Variants in DENND1A observed in about 807,000 individuals in gnomAD.
The protein encoded by DENND1A is DENN domain-containing protein 1A.
Under a neutral mutation model 113.7 loss-of-function variants are expected in DENND1A, and 51 were observed. That is an observed-to-expected ratio of 0.45 (90% CI 0.36 to 0.57). The LOEUF is 0.57. Ranked by LOEUF, DENND1A falls within the 20% of genes least tolerant of loss-of-function variation. DENND1A has a pLI of 0.00. For synonymous variants in DENND1A, 565 were observed against 570.8 expected (o/e 0.99, Z 0.14); for missense variants, 1,258 against 1,395.9 (o/e 0.90, Z 1.57).
chr9:123,457,911 A>G lies in DENND1A; in HGVS notation c.994-14T>C, dbSNP rs756809458. On this transcript the variant is annotated splice_polypyrimidine_tract_variant and intron_variant, in intron 13 of 23. Transcript: ENST00000394215. ...GATCGGCTCCTCCTGGGAAGTGCAG[A>G]GGGGAGAGGTGGGTCAGTGGCACGG... 1.9e-6 allele frequency: 3 copies of G among 1,599,882 alleles called. No homozygotes were observed. Among genetic ancestry groups the G allele is most frequent in the Non-Finnish European group, 2.6e-6 (3 of 1,172,244 alleles).
chr9:123,472,087 G>A (rs922616820), intron 13 of DENND1A, among the ~76,000 whole-genome samples: 1 of 152,156 alleles, frequency 6.6e-6, no homozygotes, highest in African/African-American at 2.4e-5. Flanking sequence ...CAAGCTGCCC[G>A]TACTTTGGAG....
At chr9:123,744,907 C>G (rs780790318) in intron 5 of DENND1A, among the ~76,000 whole-genome samples, 1 of 151,666 alleles carries the variant, frequency 6.6e-6, no homozygotes, top group Non-Finnish European at 1.5e-5. Context: ...TCCCGAGTAG[C>G]TGGGATTACA....
chr9:123,899,418 C>G (rs1385575240), intron 1 of DENND1A, among the ~76,000 whole-genome samples: 1 of 152,142 alleles, frequency 6.6e-6, no homozygotes, highest in African/African-American at 2.4e-5. Flanking sequence ...TCTAACTACA[C>G]TACCTTAAAT....
chr9:123,752,007 TAA>T (rs1174807142), intron 5 of DENND1A: 1 of 152,226 alleles, frequency 6.6e-6, no homozygotes, highest in African/African-American at 2.4e-5. Context: ...GAGCAGTTCC[TAA>T]AAGAGTGAGG....
chr9:123,579,710 T>A (rs2058796047), intron 12 of DENND1A, among the ~76,000 whole-genome samples: 1 of 152,158 alleles, frequency 6.6e-6, no homozygotes, highest in African/African-American at 2.4e-5. Flanking sequence ...CAACGATGGA[T>A]AGGCTGATAC....
rs145736186 is a variant in DENND1A, at chr9:123,400,261, A to G, written c.1631+3141T>C. On this transcript the variant is annotated intron_variant, in intron 21 of 23. Coordinates refer to ENST00000394215, the MANE Select transcript of DENND1A (RefSeq NM_001352964.2). ...CATTGATTCAGAAAGAAAATTTGAC[A>G]CAGGAAAATTTCATTTTGGGAAAAT... The G allele has an allele frequency of 2.6e-5, 4 of 152,392 alleles. No individual in the cohort carries two copies. In the East Asian group the frequency reaches 7.7e-4, roughly 29 times the overall value. The allele number at this position is 152,392 out of a possible 1,614,324, so 9.4% of individuals were successfully genotyped here. A position where few individuals can be genotyped will look rare whatever the true frequency, so the allele number is the denominator to read the frequency against.
chr9:123,921,086 A>G (rs949309876), intron 1 of DENND1A, among the ~76,000 whole-genome samples: 1 of 152,196 alleles, frequency 6.6e-6, no homozygotes, highest in African/African-American at 2.4e-5. Flanking sequence ...TTGGTTTTTA[A>G]AAACAAAACC....
rs907602490 is a variant in DENND1A at position 123,379,691 on chromosome 9, G to T, written c.*1741C>A. 2.0e-5 allele frequency: 3 copies of T among 152,282 alleles called. No homozygotes were observed. The highest frequency in any genetic ancestry group is 2.9e-5 in the Non-Finnish European group (2 of 68,064). 9.4% of individuals were successfully genotyped at this position (152,282 alleles called of 1,614,324 possible). A position where few individuals can be genotyped will look rare whatever the true frequency, so the allele number is the denominator to read the frequency against. ...GATGATTTTATTGAATGCACACAAA[G>T]TTCATCCTTGGGTTTGCAAAAAGTC... is the stretch of plus-strand genomic sequence containing the variant. On this transcript the variant is annotated 3_prime_UTR_variant, in exon 24 of 24. Transcript: ENST00000394215.
chr9:123,391,655 G>A (rs2491352), intron 21 of DENND1A, among the ~76,000 whole-genome samples: 80,355 of 150,796 alleles, frequency 0.53, 22,471 homozygotes, highest in Non-Finnish European at 0.65. Flanking sequence ...AAATTCAGCT[G>A]CCCATGTTCT....
chr9:123,382,033 G>C lies in DENND1A; in HGVS notation c.2612C>G (p.Pro871Arg). 6.7e-7 allele frequency: 1 copy of C among 1,490,728 alleles called. No individual in the cohort carries two copies. The highest frequency in any genetic ancestry group is 1.4e-5 in the South Asian group (1 of 71,138). 92.3% of individuals were successfully genotyped at this position (1,490,728 alleles called of 1,614,324 possible). Residue 871 changes from proline (P) to arginine (R), a missense_variant, in exon 24 of 24, where the codon CCA becomes CGA. Coordinates refer to ENST00000394215, the MANE Select transcript of DENND1A (RefSeq NM_001352964.2). ...GGGGAAGCTGAATTGGGGGGTGAAT[G>C]GGGTGGCTACATTCGGGGTGGCGGG... ...SRPATPNVATPFTPQFSFPPA... is the reference protein window; with the variant it reads ...SRPATPNVATRFTPQFSFPPA...
rs112601459 is a variant in DENND1A at position 123,577,029 on chromosome 9, GA to G, written c.867+6139del. The stretch of plus-strand genomic sequence containing the variant: ...CTCTGAGTATAATTTCATCAAAATT[GA>G]AAAAAAAATCAGCTATAATCTGTTA... On this transcript the variant is annotated intron_variant, in intron 12 of 23. Transcript: ENST00000394215. 3.2e-4 allele frequency among the ~76,000 whole-genome samples: 48 copies of G among 150,004 alleles called. 1 individual carries two copies. Among genetic ancestry groups the G allele is most frequent in the African/African-American group, 8.3e-4 (34 of 40,950 alleles).
At chr9:123,784,955 A>T (rs1440457670) in intron 3 of DENND1A, among the ~76,000 whole-genome samples, 1 of 152,160 alleles carries the variant, frequency 6.6e-6, no homozygotes, top group Non-Finnish European at 1.5e-5. Context: ...TACTTTCGTT[A>T]AGATGTCAGT....
chr9:123,544,831 G>A (rs1167015491), intron 13 of DENND1A, among the ~76,000 whole-genome samples: 2 of 152,116 alleles, frequency 1.3e-5, no homozygotes, highest in African/African-American at 4.8e-5. Context: ...AGGCGTGGTG[G>A]CTCACGCCTG....
chr9:123,506,708 G>C (rs1483942446), intron 13 of DENND1A, among the ~76,000 whole-genome samples: 1 of 151,918 alleles, frequency 6.6e-6, no homozygotes, highest in African/African-American at 2.4e-5. Context: ...GAGGAAATAG[G>C]CTCAGAGAGA....
chr9:123,788,864 C>T (rs867144069), intron 3 of DENND1A, among the ~76,000 whole-genome samples: 11 of 152,072 alleles, frequency 7.2e-5, no homozygotes, highest in South Asian at 2.1e-4. Flanking sequence ...TTTTAGACTA[C>T]GTCATATTAC....
intron 12 of DENND1A, among the ~76,000 whole-genome samples, chr9:123,570,308 C>T (rs776885682): frequency 6.6e-6 from 1 of 152,158 alleles, no homozygotes; most frequent in Non-Finnish European, 1.5e-5. Flanking sequence ...TGTATGGAAG[C>T]AAAGCTGTCA....
At chr9:123,787,570 T>C (rs995400563) in intron 3 of DENND1A, among the ~76,000 whole-genome samples, 53 of 152,340 alleles carry the variant, frequency 3.5e-4, no homozygotes, top group African/African-American at 1.1e-3. Flanking sequence ...ATGTTTTGCA[T>C]GGAGCATACC....
In DENND1A at chr9:123,507,500, T is replaced by C. The variant is rs16926546; in HGVS notation, c.994-49603A>G. 4.8e-3 allele frequency among the ~76,000 whole-genome samples: 730 copies of C among 152,266 alleles called. 8 individuals carry two copies. The East Asian group carries it at 0.062, about 13-fold the overall frequency. On this transcript the variant is annotated intron_variant, in intron 13 of 23. Transcript: ENST00000394215. ...TCTAGGCTGAGAGCCCTTCCAGATATGTGAGATTACAAGTTCTCCCTCCCA... is the reference window on the plus strand; with the variant it reads ...TCTAGGCTGAGAGCCCTTCCAGATACGTGAGATTACAAGTTCTCCCTCCCA...
At chr9:123,583,974 C>T (rs1370444878) in intron 11 of DENND1A, among the ~76,000 whole-genome samples, 2 of 152,168 alleles carry the variant, frequency 1.3e-5, no homozygotes, top group Non-Finnish European at 2.9e-5. Context: ...AAGAATCCTG[C>T]CCCCAATCTG....
Sources: allele counts gnomAD v4.1 joint callset (sites outside exome capture counted in the v4.1 genomes callset), GRCh38; gene constraint gnomAD v4.1.1; transcripts MANE v1.5; gene names NCBI Gene and HGNC (gene_info 2026-07-23, HGNC 2026-07-21).